CFAP97D1: variants seen among roughly 807,000 people sequenced by gnomAD.
CFAP97D1 encodes CFAP97 domain containing 1.
In CFAP97D1, 15 loss-of-function variants were observed where a neutral mutation model predicts 20.5. The observed-to-expected ratio is 0.73, with a 90% CI of 0.49 to 1.13. The LOEUF is 1.13. Among genes scored for constraint, CFAP97D1 ranks in the 50% most tolerant of loss-of-function variants. The probability of loss-of-function intolerance (pLI) is 0.00; values close to 1 mark genes in which losing one functional copy is unlikely to be tolerated. For missense variants in CFAP97D1, 168 were observed against 202.9 expected, an observed-to-expected ratio of 0.83 and a Z score of 1.04; for synonymous variants, 58 against 71.2, an observed-to-expected ratio of 0.82 and a Z score of 0.93.
chr17:43,784,189 C>T (rs1287605583), intron 5 of CFAP97D1, among the ~76,000 whole-genome samples, 194 bp from the exon 6 acceptor site: 4 of 152,176 alleles, frequency 2.6e-5, no homozygotes, highest in African/African-American at 9.7e-5. Context: ...AAAATTGTGC[C>T]AAAGTTACAT....
chr17:43,780,453 G>A lies in CFAP97D1; in HGVS notation c.-10G>A, dbSNP rs1317690663. The A allele has an allele frequency of 3.9e-6, 6 of 1,551,540 alleles. No homozygotes were observed. The African/African-American group carries it at 5.5e-5, about 14-fold the overall frequency. ...GTACCTCATTTCTGAAGTGAGACTA[G>A]GAAGAGAAGATGAACAATTCCCTGG... On this transcript the variant is annotated 5_prime_UTR_variant, in exon 1 of 6. Transcript: ENST00000449302.
chr17:43,783,727 A>T, intron 4 of CFAP97D1, 110 bp from the exon 5 acceptor site: 1 of 820,886 alleles, frequency 1.2e-6, no homozygotes, highest in Non-Finnish European at 2.0e-6. Flanking sequence ...AAAAACCTCC[A>T]CTTACCGACT....
At position 43,786,140 on chromosome 17, in the gene CFAP97D1, G is replaced by A. The variant is rs2044291326; in HGVS notation, c.*1758G>A. On this transcript the variant is annotated 3_prime_UTR_variant, in exon 6 of 6. Transcript: ENST00000449302. ...AGAGGAAGAGTGTATTCCAGTTCCA[G>A]CAGATAGATTGACATATTCGCCTCT... The A allele has an allele frequency of 6.6e-6, 1 of 152,230 alleles. No homozygotes were observed. The highest frequency in any genetic ancestry group is 1.5e-5 in the Non-Finnish European group (1 of 68,052). 9.4% of individuals were successfully genotyped at this position (152,230 alleles called of 1,614,324 possible). A position where few individuals can be genotyped will look rare whatever the true frequency, so the allele number is the denominator to read the frequency against.
At chr17:43,782,545 C>A (rs974135323) in intron 3 of CFAP97D1, among the ~76,000 whole-genome samples, 4 of 152,102 alleles carry the variant, frequency 2.6e-5, no homozygotes, top group African/African-American at 9.7e-5. Flanking sequence ...AGAAATCTTT[C>A]CTGAGCAACT....
chr17:43,782,026 T>C lies in CFAP97D1; in HGVS notation c.314+134T>C, dbSNP rs184850189. The C allele has an allele frequency of 1.1e-3, 697 of 632,050 alleles. 9 individuals are homozygous for C. Among genetic ancestry groups the C allele is most frequent in the African/African-American group, 0.011 (591 of 54,416 alleles). 39.2% of individuals were successfully genotyped at this position (632,050 alleles called of 1,614,324 possible). A position where few individuals can be genotyped will look rare whatever the true frequency, so the allele number is the denominator to read the frequency against. The stretch of plus-strand genomic sequence containing the variant: ...TTGAGGGAGAACCAAACAGACCATG[T>C]TACACAGAATGAAAACTTTAAAAAT... On this transcript the variant is annotated intron_variant, in intron 3 of 5. Transcript: ENST00000449302.
At chr17:43,784,157 A>C (rs2044274340) in intron 5 of CFAP97D1, among the ~76,000 whole-genome samples, 1 of 152,214 alleles carries the variant, frequency 6.6e-6, no homozygotes, top group African/African-American at 2.4e-5. Context: ...AATAAGACAT[A>C]AACTGGAAGA....
At chr17:43,783,700 C>T in intron 4 of CFAP97D1, 137 bp from the exon 5 acceptor site, 1 of 678,336 alleles carries the variant, frequency 1.5e-6, no homozygotes, top group South Asian at 1.8e-5. Flanking sequence ...GGAGGGGAAA[C>T]CATCTGTGGT....
Position 43,783,866 on chromosome 17 carries a change from G to A in CFAP97D1, c.468G>A (p.Thr156=), listed in dbSNP as rs369872265. 18 of 1,550,102 alleles carry A rather than the reference G, an allele frequency of 1.2e-5. No individual in the cohort carries two copies. Among genetic ancestry groups the A allele is most frequent in the Middle Eastern group, 1.7e-4 (1 of 6,014 alleles). ...CAAGGCGCTATATCAGAAATACCACGAGATATCTTCTCTCCCAAAATGAAT... is the reference window on the plus strand; with the variant it reads ...CAAGGCGCTATATCAGAAATACCACAAGATATCTTCTCTCCCAAAATGAAT... ...QNSRRYIRNT[T]RYLLSQNE is the part of the protein sequence containing the mutation. The change falls in exon 5 of 6, where the codon ACG becomes ACA. Residue 156 remains threonine (T), a synonymous_variant. Coordinates refer to ENST00000449302, the MANE Select transcript of CFAP97D1 (RefSeq NM_001136483.3).
At chr17:43,784,277 TGGTTTCCCC>T (rs2044276289) in intron 5 of CFAP97D1, 97 bp from the exon 6 acceptor site, 1 of 168,802 alleles carries the variant, frequency 5.9e-6, no homozygotes, top group Non-Finnish European at 1.3e-5. Context: ...GATGACTAAG[TGGTTTCCCC>T]CACCCAAGGG....
rs1032258828 is a variant in CFAP97D1 at position 43,786,256 on chromosome 17, T to C, written c.*1874T>C. The C allele has an allele frequency of 2.0e-5, 3 of 152,224 alleles. No individual in the cohort carries two copies. The highest frequency in any genetic ancestry group is 2.9e-5 in the Non-Finnish European group (2 of 68,042). 9.4% of individuals were successfully genotyped at this position (152,224 alleles called of 1,614,324 possible). Reference sequence around the variant, plus strand: ...TCTTCCCACATAGTTCACTCAGACTTACATGCTAATCTCCCCTGGAAACAC... The same window carrying C: ...TCTTCCCACATAGTTCACTCAGACTCACATGCTAATCTCCCCTGGAAACAC... On this transcript the variant is annotated 3_prime_UTR_variant, in exon 6 of 6. Coordinates refer to ENST00000449302, the MANE Select transcript of CFAP97D1 (RefSeq NM_001136483.3).
Position 43,786,590 on chromosome 17 carries a change from C to A in CFAP97D1, c.*2208C>A, listed in dbSNP as rs981697037. 1 of 152,072 alleles carries A rather than the reference C, an allele frequency of 6.6e-6. No individual in the cohort carries two copies. The highest frequency in any genetic ancestry group is 6.5e-5 in the Admixed American group (1 of 15,280). 9.4% of individuals were successfully genotyped at this position (152,072 alleles called of 1,614,324 possible). On this transcript the variant is annotated 3_prime_UTR_variant, in exon 6 of 6. Transcript: ENST00000449302. ...TTGTACATATATGTATAGCTCTATG[C>A]GGTTTTTGCCACATGTATAGCTTTG...
chr17:43,781,987 T>A, intron 3 of CFAP97D1, 95 bp downstream of exon 3: 1 of 796,404 alleles, frequency 1.3e-6, no homozygotes, highest in Non-Finnish European at 2.1e-6. Flanking sequence ...GAGAAGTACT[T>A]AAGGGAAGTT....
chr17:43,780,823 G>C (rs1974464677), intron 1 of CFAP97D1, among the ~76,000 whole-genome samples: 1 of 152,202 alleles, frequency 6.6e-6, no homozygotes, highest in Admixed American at 6.5e-5. Flanking sequence ...AAGGGGATAA[G>C]ACTTCAGAAG....
In CFAP97D1 at chr17:43,781,775, G is replaced by T. The variant is rs1378818807; in HGVS notation, c.197G>T (p.Gly66Val). 8.4e-6 allele frequency: 13 copies of T among 1,547,668 alleles called. No homozygotes were observed. The highest frequency in any genetic ancestry group is 2.0e-5 in the Admixed American group (1 of 50,980). Residue 66 changes from glycine (G) to valine (V), a missense_variant and splice_region_variant, in exon 3 of 6, where the codon GGT (glycine) becomes GTT (valine). Physicochemically the swap from Gly to Val is moderately radical, Grantham distance 109. Coordinates refer to ENST00000449302, the MANE Select transcript of CFAP97D1 (RefSeq NM_001136483.3). Reference sequence around the variant, plus strand: ...TGGTGAGGTGTGGTTTCTTACCAGGGTGAACAAAAGAAAATCAACAAAATC... The same window carrying T: ...TGGTGAGGTGTGGTTTCTTACCAGGTTGAACAAAAGAAAATCAACAAAATC... The part of the protein sequence containing the change: ...NHILKLSKLQ[G>V]EQKKINKIEY...
Position 43,786,885 on chromosome 17 carries a change from A to G in CFAP97D1, c.*2503A>G, listed in dbSNP as rs1008536034. ...TTATTGCTGAGTAGTATTCCATGGT[A>G]TGGACATGCTACAATATATTTAACC... On this transcript the variant is annotated 3_prime_UTR_variant, in exon 6 of 6. Transcript: ENST00000449302. 1.3e-5 allele frequency: 2 copies of G among 152,146 alleles called. No individual in the cohort carries two copies. The highest frequency in any genetic ancestry group is 1.3e-4 in the Admixed American group (2 of 15,266). 9.4% of individuals were successfully genotyped at this position (152,146 alleles called of 1,614,324 possible).
At chr17:43,780,639 C>A in intron 1 of CFAP97D1, 53 bp downstream of exon 1, 1 of 1,544,202 alleles carries the variant, frequency 6.5e-7, no homozygotes. Flanking sequence ...GGAATGGTAC[C>A]CCATAAAGAG....
Position 43,785,744 on chromosome 17 carries a change from T to G in CFAP97D1, c.*1362T>G, listed in dbSNP as rs2044288488. The G allele has an allele frequency of 6.6e-6, 1 of 152,234 alleles. No homozygotes were observed. Among genetic ancestry groups the G allele is most frequent in the Admixed American group, 6.5e-5 (1 of 15,270 alleles). 9.4% of individuals were successfully genotyped at this position (152,234 alleles called of 1,614,324 possible). On this transcript the variant is annotated 3_prime_UTR_variant, in exon 6 of 6. Coordinates refer to ENST00000449302, the MANE Select transcript of CFAP97D1 (RefSeq NM_001136483.3). ...GGCCTATAGGAAAGGGTAGTAATTT[T>G]TGGGTCCTTGGGTCATTGCCCTGGA... is the stretch of plus-strand genomic sequence containing the variant.
At position 43,785,411 on chromosome 17, in the gene CFAP97D1, G is replaced by A. The variant is rs1257616145; in HGVS notation, c.*1029G>A. On this transcript the variant is annotated 3_prime_UTR_variant, in exon 6 of 6. Transcript: ENST00000449302. The stretch of plus-strand genomic sequence containing the variant: ...GGGGCGGTTTGTGCAGAAATTCTAG[G>A]GAAGGAGTAGTAATTTTTTTTTTTT... 1 of 151,346 alleles carries A rather than the reference G, an allele frequency of 6.6e-6. No homozygotes were observed. Among genetic ancestry groups the A allele is most frequent in the Non-Finnish European group, 1.5e-5 (1 of 68,000 alleles). The allele number at this position is 151,346 out of a possible 1,614,324, so 9.4% of individuals were successfully genotyped here.
intron 2 of CFAP97D1, among the ~76,000 whole-genome samples, chr17:43,781,532 A>G (rs550326311): frequency 6.6e-6 from 1 of 152,092 alleles, no homozygotes; most frequent in Non-Finnish European, 1.5e-5. Flanking sequence ...GGGGTTCACC[A>G]TGTTGGCCAG....
Sources: allele counts gnomAD v4.1 joint callset (sites outside exome capture counted in the v4.1 genomes callset), GRCh38; gene constraint gnomAD v4.1.1; transcripts MANE v1.5; gene names NCBI Gene and HGNC (gene_info 2026-07-23, HGNC 2026-07-21).